OXSR1: variants seen among roughly 807,000 people sequenced by gnomAD.
OXSR1 encodes serine/threonine-protein kinase OSR1.
OXSR1 carries 24 observed loss-of-function variants against 79.8 expected under a neutral mutation model. The ratio of observed to expected loss-of-function variants is 0.30; its 90% confidence interval spans 0.22 to 0.42. The LOEUF (loss-of-function observed/expected upper bound fraction) is 0.42, where lower values mean the gene tolerates loss of function less well. Among genes scored for constraint, OXSR1 ranks in the 10% least tolerant of loss-of-function variants. The probability of loss-of-function intolerance (pLI) is 1.00; values close to 1 mark genes in which losing one functional copy is unlikely to be tolerated. For missense variants in OXSR1, 430 were observed against 618.4 expected (o/e 0.70, Z 3.23); for synonymous variants, 226 against 209.2 (o/e 1.08, Z -0.69).
intron 15 of OXSR1, 38 bp from the exon 16 acceptor site, chr3:38,251,365 G>A (rs1281213154): frequency 2.3e-5 from 36 of 1,554,172 alleles, no homozygotes; most frequent in East Asian, 4.5e-5. Context: ...TGGCAAGCAC[G>A]CACAAAAAAC....
intron 1 of OXSR1, among the ~76,000 whole-genome samples, chr3:38,166,656 TG>T (rs1701466818): frequency 6.6e-6 from 1 of 151,770 alleles, no homozygotes; most frequent in South Asian, 2.1e-4. Flanking sequence ...TTGGGTGTGG[TG>T]GTGCGCGCCT....
chr3:38,248,196 A>G (rs536782648), intron 14 of OXSR1, among the ~76,000 whole-genome samples: 2 of 152,082 alleles, frequency 1.3e-5, no homozygotes, highest in Non-Finnish European at 1.5e-5. Flanking sequence ...GGAAACTTCT[A>G]AATGTTTTTG....
intron 1 of OXSR1, among the ~76,000 whole-genome samples, chr3:38,182,527 G>A (rs1474141171): frequency 3.3e-5 from 5 of 152,094 alleles, no homozygotes; most frequent in Non-Finnish European, 7.4e-5. Flanking sequence ...ATCCATTTTT[G>A]GTGTTCATTC....
Position 38,253,780 on chromosome 3 carries a change from T to TC in OXSR1, c.*891dup, listed in dbSNP as rs1703307019. 5.7e-6 allele frequency: 1 copy of TC among 174,924 alleles called. No homozygotes were observed. The highest frequency in any genetic ancestry group is 1.2e-5 in the Non-Finnish European group (1 of 83,144). The allele number at this position is 174,924 out of a possible 1,614,324, so 10.8% of individuals were successfully genotyped here. A position where few individuals can be genotyped will look rare whatever the true frequency, so the allele number is the denominator to read the frequency against. ...CCCATGAAAATCAGTTCGCCTGGCC[T>TC]CCAAGTCGTGAGGAAATGGGTATGC... On this transcript the variant is annotated 3_prime_UTR_variant, in exon 18 of 18. Coordinates refer to ENST00000311806, the MANE Select transcript of OXSR1 (RefSeq NM_005109.3).
At chr3:38,223,336 G>C (rs1702625424) in intron 6 of OXSR1, among the ~76,000 whole-genome samples, 1 of 152,000 alleles carries the variant, frequency 6.6e-6, no homozygotes, top group African/African-American at 2.4e-5. Context: ...ATGTTGCCCA[G>C]GCTGGTCTTG....
rs150426634 is a variant in OXSR1, at chr3:38,209,036, T to A, written c.435-7060T>A. On this transcript the variant is annotated intron_variant, in intron 4 of 17. Transcript: ENST00000311806. ...TGTTTGGTGGGGTATGGTACCTTGCTTTTTTCTCCATGTTGTGATTACTCA... is the reference window on the plus strand; with the variant it reads ...TGTTTGGTGGGGTATGGTACCTTGCATTTTTCTCCATGTTGTGATTACTCA... 2.9e-3 allele frequency among the ~76,000 whole-genome samples: 438 copies of A among 152,314 alleles called. 1 individual carries two copies. The highest frequency in any genetic ancestry group is 0.01 in the African/African-American group (418 of 41,582).
At chr3:38,240,087 T>C (rs572885360) in intron 11 of OXSR1, among the ~76,000 whole-genome samples, 1 of 152,320 alleles carries the variant, frequency 6.6e-6, no homozygotes, top group Non-Finnish European at 1.5e-5. Flanking sequence ...AATTATATTT[T>C]AAGTGAATGT....
intron 2 of OXSR1, among the ~76,000 whole-genome samples, chr3:38,188,443 G>A (rs1701923492): frequency 6.6e-6 from 1 of 152,066 alleles, no homozygotes; most frequent in Non-Finnish European, 1.5e-5. Flanking sequence ...CACCCAACTT[G>A]CGCTAATATT....
At chr3:38,164,550 C>T (rs1485651623), upstream of OXSR1, among the ~76,000 whole-genome samples, 1 of 152,188 alleles carries the variant, frequency 6.6e-6, no homozygotes, top group Non-Finnish European at 1.5e-5. Flanking sequence ...TTTTTAAAAT[C>T]CAATTTACCA....
At chr3:38,217,116 G>A (rs1702496351) in intron 5 of OXSR1, among the ~76,000 whole-genome samples, 1 of 152,118 alleles carries the variant, frequency 6.6e-6, no homozygotes, top group African/African-American at 2.4e-5. Context: ...GCAGAAAACT[G>A]GCATAGGCAC....
At chr3:38,170,558 G>T (rs767425123) in intron 1 of OXSR1, among the ~76,000 whole-genome samples, 5 of 151,754 alleles carry the variant, frequency 3.3e-5, no homozygotes, top group Non-Finnish European at 5.9e-5. Flanking sequence ...TAATTTTTGT[G>T]TATGGTGTGA....
intron 8 of OXSR1, among the ~76,000 whole-genome samples, chr3:38,227,090 T>A (rs1386277630): frequency 6.6e-6 from 1 of 152,196 alleles, no homozygotes; most frequent in Non-Finnish European, 1.5e-5. Context: ...GAAAATCTAT[T>A]CCAGTTTGTA....
Position 38,248,655 on chromosome 3 carries a change from A to G in OXSR1, c.1322+923A>G, listed in dbSNP as rs938799104. The stretch of plus-strand genomic sequence containing the variant: ...AAGAGAATGTGGTAAGGAGAATCTC[A>G]TTGCTCCTTGCCACTAGGAGCAATG... On this transcript the variant is annotated intron_variant, in intron 14 of 17. Transcript: ENST00000311806. 2.6e-5 allele frequency among the ~76,000 whole-genome samples: 4 copies of G among 152,124 alleles called. No homozygotes were observed. The East Asian group carries it at 7.7e-4, about 29-fold the overall frequency.
Position 38,175,566 on chromosome 3 carries a change from G to C in OXSR1, c.71-7437G>C, listed in dbSNP as rs554720767. Among the ~76,000 whole-genome samples, 3 of 152,316 alleles carry C rather than the reference G, an allele frequency of 2.0e-5. No individual in the cohort carries two copies. The East Asian group carries it at 5.8e-4, about 29-fold the overall frequency. The stretch of plus-strand genomic sequence containing the variant: ...TCTGCCTGCCTTGGCCTCCCAAAGT[G>C]CTGAGACTACAGGTGGGAGCCACAA... On this transcript the variant is annotated intron_variant, in intron 1 of 17. Transcript: ENST00000311806.
intron 3 of OXSR1, among the ~76,000 whole-genome samples, chr3:38,193,717 G>A (rs756675447): frequency 8.6e-5 from 13 of 150,418 alleles, no homozygotes; most frequent in African/African-American, 3.2e-4. Flanking sequence ...TCTTTTAAAT[G>A]TAGCTCTTTG....
chr3:38,254,203 G>C lies in OXSR1; in HGVS notation c.*1312G>C, dbSNP rs530118850. ...AAGATGGGCTGTGGGTCCCTGGAAA[G>C]GGGGAGAGTTGCCCTTTACAGAATC... On this transcript the variant is annotated 3_prime_UTR_variant, in exon 18 of 18. Coordinates refer to ENST00000311806, the MANE Select transcript of OXSR1 (RefSeq NM_005109.3). 1 of 398,912 alleles carries C rather than the reference G, an allele frequency of 2.5e-6. No homozygotes were observed. The highest frequency in any genetic ancestry group is 2.1e-5 in the African/African-American group (1 of 48,742). 24.7% of individuals were successfully genotyped at this position (398,912 alleles called of 1,614,324 possible).
chr3:38,239,085 T>C (rs374136393), intron 11 of OXSR1, among the ~76,000 whole-genome samples: 187 of 152,310 alleles, frequency 1.2e-3, no homozygotes, highest in African/African-American at 4.4e-3. Context: ...CTGTTTCATC[T>C]CAGGCATTGT....
intron 10 of OXSR1, among the ~76,000 whole-genome samples, chr3:38,231,074 A>G (rs1702796766): frequency 6.6e-6 from 1 of 152,202 alleles, no homozygotes; most frequent in African/African-American, 2.4e-5. Context: ...TACACCTTGT[A>G]TAATATAGTG....
chr3:38,193,419 G>A (rs897590633), intron 3 of OXSR1: 2 of 1,275,858 alleles, frequency 1.6e-6, no homozygotes, highest in Non-Finnish European at 2.0e-6. Context: ...GGAGTATTAG[G>A]TAATACTGTA....
Sources: allele counts gnomAD v4.1 joint callset (sites outside exome capture counted in the v4.1 genomes callset), GRCh38; gene constraint gnomAD v4.1.1; transcripts MANE v1.5; gene names NCBI Gene and HGNC (gene_info 2026-07-23, HGNC 2026-07-21).